The following ERCC8 variants were observed in gnomAD, a reference collection of about 807,000 sequenced individuals.
ERCC8 encodes the protein DNA excision repair protein ERCC-8.
A neutral mutation model predicts 54.9 loss-of-function variants in ERCC8; 52 were observed. The observed-to-expected ratio is 0.95, with a 90% CI of 0.76 to 1.19. The LOEUF is 1.19. ERCC8 is among the 50% of genes most tolerant of loss of function. ERCC8 has a pLI of 0.00. For missense variants in ERCC8, 514 were observed against 466.1 expected (o/e 1.10, Z -0.95); for synonymous variants, 146 against 157.2 (o/e 0.93, Z 0.53).
chr5:60,868,463 G>A lies in ERCC8; in HGVS notation c.*6152C>T, dbSNP rs139763500. Among the ~76,000 whole-genome samples the A allele has an allele frequency of 3.3e-5, 5 of 152,196 alleles. No homozygotes were observed. Among genetic ancestry groups the A allele is most frequent in the Middle Eastern group, 3.4e-3 (1 of 294 alleles). On this transcript the variant is annotated 3_prime_UTR_variant, in exon 12 of 12. Transcript: ENST00000676185. ...TACACACAGAGAACTAAGAGAGGTC[G>A]CAACATAGTTCTTTAATTTTACCCC...
intron 11 of ERCC8, among the ~76,000 whole-genome samples, chr5:60,878,421 G>A (rs1288832116): frequency 1.3e-5 from 2 of 152,078 alleles, no homozygotes; most frequent in East Asian, 3.9e-4. Context: ...TTTTTCTATT[G>A]ATTGGAATAG....
intron 4 of ERCC8, among the ~76,000 whole-genome samples, chr5:60,915,516 T>C (rs1749406585): frequency 6.6e-6 from 1 of 152,066 alleles, no homozygotes; most frequent in Non-Finnish European, 1.5e-5. Flanking sequence ...ACAAATTTAT[T>C]ATCTGTAATA....
intron 11 of ERCC8, among the ~76,000 whole-genome samples, chr5:60,886,308 A>G (rs1335681855): frequency 6.6e-6 from 1 of 152,100 alleles, no homozygotes; most frequent in Non-Finnish European, 1.5e-5. Flanking sequence ...TAAGGTCTTT[A>G]TTTACACTGT....
At chr5:60,893,694 T>C (rs1046800216) in intron 9 of ERCC8, 2 of 444,364 alleles carry the variant, frequency 4.5e-6, no homozygotes, top group African/African-American at 2.0e-5. Context: ...TCCGGACTTC[T>C]GGCTTCCGGA....
chr5:60,893,610 C>A, intron 9 of ERCC8: 2 of 613,880 alleles, frequency 3.3e-6, no homozygotes, highest in South Asian at 1.9e-5. Flanking sequence ...AGGTTCGAAT[C>A]CGCTTGCTCT....
chr5:60,892,194 G>T, intron 9 of ERCC8: 1 of 525,732 alleles, frequency 1.9e-6, no homozygotes, highest in South Asian at 1.5e-5. Flanking sequence ...ATCTGATGAC[G>T]ATTCGGATTG....
chr5:60,876,379 C>A (rs1748008317), intron 11 of ERCC8, among the ~76,000 whole-genome samples: 1 of 152,156 alleles, frequency 6.6e-6, no homozygotes, highest in Admixed American at 6.5e-5. Context: ...TTTTATAATC[C>A]TTTGGGTATA....
rs370117438 is a variant in ERCC8, at chr5:60,889,700, G to A, written c.1041+1189C>T. Among the ~76,000 whole-genome samples, 13 of 152,284 alleles carry A rather than the reference G, an allele frequency of 8.5e-5. No homozygotes were observed. The South Asian group carries it at 1.9e-3, about 22-fold the overall frequency. On this transcript the variant is annotated intron_variant, in intron 10 of 11. Transcript: ENST00000676185. ...GTTAGAGTACCTGGGATGAAATTTC[G>A]GCTGTGTCTCTAAGTAACTTTGCAA... is the stretch of plus-strand genomic sequence containing the variant.
At chr5:60,920,988 A>G (rs1483949025) in intron 3 of ERCC8, among the ~76,000 whole-genome samples, 2 of 151,872 alleles carry the variant, frequency 1.3e-5, no homozygotes, top group Non-Finnish European at 2.9e-5. Flanking sequence ...TCTAAGTTCT[A>G]GAGTATTTGA....
At chr5:60,897,298 T>C (rs879566271) in intron 9 of ERCC8, among the ~76,000 whole-genome samples, 2 of 152,224 alleles carry the variant, frequency 1.3e-5, no homozygotes, top group Admixed American at 6.5e-5. Flanking sequence ...CTTTTCTTCA[T>C]AGTCCTTACC....
At position 60,871,483 on chromosome 5, in the gene ERCC8, A is replaced by G. The variant is rs1016245011; in HGVS notation, c.*3132T>C. On this transcript the variant is annotated 3_prime_UTR_variant, in exon 12 of 12. Transcript: ENST00000676185. ...TAACTTGGTTTGTGGCAGCAGGGGT[A>G]AGGACTGGGGAATGTGGTACTAATG... Among the ~76,000 whole-genome samples the G allele has an allele frequency of 6.6e-5, 10 of 152,192 alleles. No individual in the cohort carries two copies. Among genetic ancestry groups the G allele is most frequent in the African/African-American group, 2.4e-4 (10 of 41,452 alleles).
chr5:60,911,972 C>T (rs1186791304), intron 4 of ERCC8, among the ~76,000 whole-genome samples: 1 of 152,120 alleles, frequency 6.6e-6, no homozygotes, highest in African/African-American at 2.4e-5. Context: ...GGTACCAGTA[C>T]CATGCTGTTT....
intron 9 of ERCC8, among the ~76,000 whole-genome samples, chr5:60,894,408 A>T (rs1461510838): frequency 1.3e-5 from 2 of 152,256 alleles, no homozygotes; most frequent in Non-Finnish European, 2.9e-5. Context: ...TGTTACATTA[A>T]CTTTATGATT....
In ERCC8 at chr5:60,904,765, A is replaced by G. The variant is rs755117208; in HGVS notation, c.481+27T>C. ...AAAGGGAGAAAGTTTTCAGTATGTC[A>G]AAAGACAAAAGAATACACTTACAAA... On this transcript the variant is annotated intron_variant, in intron 5 of 11. Coordinates refer to ENST00000676185, the MANE Select transcript of ERCC8 (RefSeq NM_000082.4). The G allele has an allele frequency of 2.0e-6, 3 of 1,467,904 alleles. No homozygotes were observed. In the Admixed American group the frequency reaches 5.1e-5, roughly 25 times the overall value. 90.9% of individuals were successfully genotyped at this position (1,467,904 alleles called of 1,614,324 possible).
intron 11 of ERCC8, among the ~76,000 whole-genome samples, chr5:60,877,715 T>C (rs1289913203): frequency 6.6e-6 from 1 of 152,206 alleles, no homozygotes; most frequent in African/African-American, 2.4e-5. Context: ...TTTTGCACAT[T>C]GATTTTGTAT....
Position 60,898,418 on chromosome 5 carries a change from G to T in ERCC8, c.719-18C>A, listed in dbSNP as rs1370183518. Reference sequence around the variant, plus strand: ...AGTGTTTGCTGCAATGAAAAACATAGTTCAGTTTATCTGTTCTTGTATTCA... The same window carrying T: ...AGTGTTTGCTGCAATGAAAAACATATTTCAGTTTATCTGTTCTTGTATTCA... On this transcript the variant is annotated intron_variant, in intron 8 of 11. Coordinates refer to ENST00000676185, the MANE Select transcript of ERCC8 (RefSeq NM_000082.4). The T allele has an allele frequency of 1.2e-6, 2 of 1,612,774 alleles. No individual in the cohort carries two copies. The highest frequency in any genetic ancestry group is 1.7e-6 in the Non-Finnish European group (2 of 1,179,154).
intron 1 of ERCC8, among the ~76,000 whole-genome samples, chr5:60,940,813 C>G (rs1450089817): frequency 1.3e-5 from 2 of 152,102 alleles, no homozygotes; most frequent in East Asian, 3.8e-4. Flanking sequence ...AATGTTAAAA[C>G]AAAAATATCA....
chr5:60,898,610 G>A (rs1008922910), intron 8 of ERCC8, among the ~76,000 whole-genome samples: 2 of 151,206 alleles, frequency 1.3e-5, no homozygotes, highest in Admixed American at 6.6e-5. Context: ...AAAAAAAAGG[G>A]AAAAAATTTC....
At chr5:60,904,632 G>GTA (rs775272984) in intron 5 of ERCC8, among the ~76,000 whole-genome samples, 160 bp downstream of exon 5, 39 of 35,850 alleles carry the variant, frequency 1.1e-3, no homozygotes, top group Non-Finnish European at 1.4e-3. Flanking sequence ...GTGTGTGTGT[G>GTA]TGTATATATA....
Sources: gnomAD v4.1 joint callset for allele counts (sites outside exome capture counted in the v4.1 genomes callset) on GRCh38, gnomAD v4.1.1 for gene constraint, MANE v1.5 for transcripts, NCBI Gene and HGNC (gene_info 2026-07-23, HGNC 2026-07-21) for gene names.